Variants in MYO10 observed in about 807,000 individuals in gnomAD.
MYO10 encodes the protein unconventional myosin-X.
MYO10 carries 133 observed loss-of-function variants against 257.3 expected under a neutral mutation model. The observed-to-expected ratio is 0.52, with a 90% CI of 0.45 to 0.60. The LOEUF (loss-of-function observed/expected upper bound fraction) is 0.60. MYO10 is among the 20% of genes least tolerant of loss of function. MYO10 has a pLI of 0.00. For synonymous variants in MYO10, 1,104 were observed against 1,028.6 expected (o/e 1.07, Z -1.40); for missense variants, 2,399 against 2,635.7 (o/e 0.91, Z 1.97).
chr5:16,736,505 T>C (rs367749769), intron 19 of MYO10, among the ~76,000 whole-genome samples: 2 of 152,328 alleles, frequency 1.3e-5, no homozygotes, highest in African/African-American at 4.8e-5. Context: ...GTTAGAAGCC[T>C]GGAAATCCCA....
chr5:16,908,338 G>A (rs951910685), intron 1 of MYO10, among the ~76,000 whole-genome samples: 1 of 152,074 alleles, frequency 6.6e-6, no homozygotes, highest in African/African-American at 2.4e-5. Context: ...GAGCAGCCTG[G>A]CCAATATGGT....
chr5:16,675,035 C>T lies in MYO10; in HGVS notation c.4782G>A (p.Gln1594=), dbSNP rs35612168. 3,772 of 1,613,926 alleles carry T rather than the reference C, an allele frequency of 2.3e-3. 65 individuals carry two copies. In the African/African-American group the frequency reaches 0.041, roughly 18 times the overall value. The change falls in exon 35 of 41, where the codon CAG becomes CAA. Residue 1594 remains glutamine, a synonymous_variant. Transcript: ENST00000513610. ...DPIPIIQGIL[Q]TGHDLRPLRD... Reference sequence around the variant, plus strand: ...GCAGAGGTCGCAGGTCATGCCCTGTCTGTAGGATGCCCTGGATTATTGGAA... The same window carrying T: ...GCAGAGGTCGCAGGTCATGCCCTGTTTGTAGGATGCCCTGGATTATTGGAA...
chr5:16,893,415 C>T (rs979751243), intron 1 of MYO10, among the ~76,000 whole-genome samples: 2 of 151,990 alleles, frequency 1.3e-5, no homozygotes, highest in South Asian at 4.2e-4. Flanking sequence ...AGGCAGATCA[C>T]CTGAGATCAG....
Position 16,681,518 on chromosome 5 carries a change from T to G in MYO10, c.4190-15A>C, listed in dbSNP as rs368070583. Reference sequence around the variant, plus strand: ...GTGCAACCATCCTGGAAAAAAAGATTAAAGTGTAAATTAAAATCTGTGAGG... The same window carrying G: ...GTGCAACCATCCTGGAAAAAAAGATGAAAGTGTAAATTAAAATCTGTGAGG... On this transcript the variant is annotated splice_polypyrimidine_tract_variant and intron_variant, in intron 31 of 40. Transcript: ENST00000513610. The G allele has an allele frequency of 6.3e-7, 1 of 1,591,838 alleles. No homozygotes were observed. The highest frequency in any genetic ancestry group is 1.4e-5 in the African/African-American group (1 of 73,760).
At chr5:16,808,523 G>A (rs920476605) in intron 3 of MYO10, among the ~76,000 whole-genome samples, 5 of 151,970 alleles carry the variant, frequency 3.3e-5, no homozygotes, top group East Asian at 1.9e-4. Flanking sequence ...TTTAAAAATC[G>A]TGAAGCATTC....
At chr5:16,793,830 C>T (rs531264884) in intron 4 of MYO10, among the ~76,000 whole-genome samples, 2 of 151,582 alleles carry the variant, frequency 1.3e-5, no homozygotes, top group East Asian at 3.9e-4. Flanking sequence ...ACTCGGGAGG[C>T]TGAGGCAGGA....
chr5:16,804,016 G>C (rs1214916176), intron 3 of MYO10, among the ~76,000 whole-genome samples: 4 of 152,168 alleles, frequency 2.6e-5, no homozygotes, highest in African/African-American at 9.7e-5. Context: ...GGGACAATAA[G>C]ATATTGTCCC....
In MYO10 at chr5:16,681,509, A is replaced by G. The variant is rs1189466859; in HGVS notation, c.4190-6T>C. 1 of 1,596,928 alleles carries G rather than the reference A, an allele frequency of 6.3e-7. No individual in the cohort carries two copies. The highest frequency in any genetic ancestry group is 1.4e-5 in the African/African-American group (1 of 73,820). ...CACCTCTTTGTGCAACCATCCTGGA[A>G]AAAAAGATTAAAGTGTAAATTAAAA... On this transcript the variant is annotated splice_region_variant and splice_polypyrimidine_tract_variant and intron_variant, in intron 31 of 40. Transcript: ENST00000513610.
intron 12 of MYO10, 96 bp from the exon 13 acceptor site, chr5:16,763,851 A>G (rs1055563254): frequency 4.9e-6 from 4 of 813,604 alleles, no homozygotes; most frequent in Non-Finnish European, 7.9e-6. Context: ...AGAGAAAAAT[A>G]TCAATGCCTG....
intron 19 of MYO10, among the ~76,000 whole-genome samples, chr5:16,725,936 C>T (rs766372154): frequency 3.3e-5 from 5 of 151,910 alleles, no homozygotes; most frequent in African/African-American, 9.7e-5. Context: ...TATAGGCGCA[C>T]GCTGCCACGC....
At chr5:16,874,492 A>G (rs1158394529) in intron 2 of MYO10, among the ~76,000 whole-genome samples, 1 of 152,136 alleles carries the variant, frequency 6.6e-6, no homozygotes, top group Non-Finnish European at 1.5e-5. Context: ...TTCTTCCACC[A>G]GATGCCCTAA....
chr5:16,890,969 T>C, intron 1 of MYO10, among the ~76,000 whole-genome samples: 1 of 151,834 alleles, frequency 6.6e-6, no homozygotes, highest in South Asian at 2.1e-4. Flanking sequence ...TCCATTTATA[T>C]GAAGAAGTTA....
chr5:16,898,052 C>G (rs992576691), intron 1 of MYO10, among the ~76,000 whole-genome samples: 2 of 152,038 alleles, frequency 1.3e-5, no homozygotes, highest in African/African-American at 4.8e-5. Context: ...ATAAGCACTG[C>G]TGGCAGGTAG....
intron 33 of MYO10, among the ~76,000 whole-genome samples, chr5:16,677,433 T>TTTTTTTTTTTTTTTTTG (rs1363770924): frequency 4.8e-5 from 7 of 145,326 alleles, no homozygotes; most frequent in African/African-American, 1.6e-4. Flanking sequence ...TTTTTTTTTT[T>TTTTTTTTTTTTTTTTTG]GAGACGGAGT....
intron 40 of MYO10, 23 bp from the exon 41 acceptor site, chr5:16,666,816 G>A (rs377708905): frequency 1.3e-5 from 21 of 1,561,038 alleles, no homozygotes; most frequent in Middle Eastern, 3.3e-4. Flanking sequence ...AAGCAGAACC[G>A]ACACAGCGTC....
intron 1 of MYO10, among the ~76,000 whole-genome samples, chr5:16,887,119 C>T (rs1744919163): frequency 6.6e-6 from 1 of 152,112 alleles, no homozygotes; most frequent in South Asian, 2.1e-4. Context: ...TCCCAGCTCT[C>T]TAGTGCACCG....
chr5:16,708,867 A>G (rs1738466661), intron 21 of MYO10, among the ~76,000 whole-genome samples: 1 of 152,292 alleles, frequency 6.6e-6, no homozygotes, highest in South Asian at 2.1e-4. Context: ...CTGGCTTGCA[A>G]TTTCTTTTTG....
rs141320802 is a variant in MYO10, at chr5:16,852,280, C to A, written c.120+25329G>T. On this transcript the variant is annotated intron_variant, in intron 2 of 40. Coordinates refer to ENST00000513610, the MANE Select transcript of MYO10 (RefSeq NM_012334.3). ...CACAAAGAAACAAAAAGTATAGATT[C>A]TAGGTCACCAGTGACATTTATTATT... Among the ~76,000 whole-genome samples the A allele has an allele frequency of 2.1e-3, 321 of 150,916 alleles. 2 individuals carry two copies. Among genetic ancestry groups the A allele is most frequent in the African/African-American group, 7.5e-3 (308 of 41,244 alleles).
At chr5:16,691,025 T>C (rs972323220) in intron 27 of MYO10, among the ~76,000 whole-genome samples, 5 of 151,858 alleles carry the variant, frequency 3.3e-5, no homozygotes, top group African/African-American at 9.7e-5. Flanking sequence ...ATCCCAGCAC[T>C]TTGGGAGGCT....
Sources: allele counts gnomAD v4.1 joint callset (sites outside exome capture counted in the v4.1 genomes callset), GRCh38; gene constraint gnomAD v4.1.1; transcripts MANE v1.5; gene names NCBI Gene and HGNC (gene_info 2026-07-23, HGNC 2026-07-21).